Variants in ERLIN2 observed in about 807,000 individuals in gnomAD.
ERLIN2 encodes erlin-2.
In ERLIN2, 22 loss-of-function variants were observed where a neutral mutation model predicts 41.5. The ratio of observed to expected loss-of-function variants is 0.53; its 90% CI spans 0.38 to 0.76. ERLIN2 has a LOEUF of 0.76. ERLIN2 is among the 30% of genes least tolerant of loss of function. ERLIN2 has a pLI of 0.00. For synonymous variants in ERLIN2, 149 were observed against 150.9 expected (o/e 0.99, Z 0.09); for missense variants, 247 against 414.3 (o/e 0.60, Z 3.51).
chr8:37,754,369 C>T lies in ERLIN2; in HGVS notation c.*254C>T, dbSNP rs1190431772. The T allele has an allele frequency of 2.1e-6, 1 of 482,502 alleles. No homozygotes were observed. The highest frequency in any genetic ancestry group is 2.0e-5 in the African/African-American group (1 of 51,036). The allele number at this position is 482,502 out of a possible 1,614,324, so 29.9% of individuals were successfully genotyped here. A position where few individuals can be genotyped will look rare whatever the true frequency, so the allele number is the denominator to read the frequency against. ...GTAAATCATGGGCTTGACCTTTGAC[C>T]TCTAGACACTAATTTTATCCTTTGA... On this transcript the variant is annotated 3_prime_UTR_variant, in exon 12 of 12. Transcript: ENST00000519638.
chr8:37,751,828 CTG>C, intron 10 of ERLIN2, 113 bp downstream of exon 10: 1 of 805,264 alleles, frequency 1.2e-6, no homozygotes. Context: ...GTCATGATCT[CTG>C]TGCAACAGCA....
At chr8:37,737,193 C>G (rs1159515299) in intron 1 of ERLIN2, 1 of 173,624 alleles carries the variant, frequency 5.8e-6, no homozygotes, top group Non-Finnish European at 1.2e-5. Context: ...GCGGTTGGAC[C>G]TAGGAGCCTA....
chr8:37,748,967 G>A (rs780728705), intron 6 of ERLIN2, among the ~76,000 whole-genome samples: 2 of 152,218 alleles, frequency 1.3e-5, no homozygotes, highest in Non-Finnish European at 2.9e-5. Flanking sequence ...TCAAAAGCCT[G>A]GGGCTCGCTT....
rs145324254 is a variant in ERLIN2 at position 37,739,855 on chromosome 8, G to T, written c.108-510G>T. Among the ~76,000 whole-genome samples, 14 of 151,720 alleles carry T rather than the reference G, an allele frequency of 9.2e-5. 1 individual carries two copies. In the East Asian group the frequency reaches 2.7e-3, roughly 29 times the overall value. On this transcript the variant is annotated intron_variant, in intron 2 of 11. Coordinates refer to ENST00000519638, the MANE Select transcript of ERLIN2 (RefSeq NM_007175.8). ...GAGTCTCACTTTGTTGCCCAAGCTG[G>T]AGTGCAGTGGCACAATTATGTCTCA... is the stretch of plus-strand genomic sequence containing the variant.
rs751158412 is a variant in ERLIN2 at position 37,756,476 on chromosome 8, G to A, written c.*2361G>A. On this transcript the variant is annotated 3_prime_UTR_variant, in exon 12 of 12. Transcript: ENST00000519638. ...GGCCTCTCCGGTACTAACATCCTGC[G>A]ATAGCTTGTCCCATGAGCACAGAAG... The A allele has an allele frequency of 2.6e-5, 4 of 152,592 alleles. No homozygotes were observed. The highest frequency in any genetic ancestry group is 4.8e-5 in the African/African-American group (2 of 41,444). The allele number at this position is 152,592 out of a possible 1,614,324, so 9.5% of individuals were successfully genotyped here. A position where few individuals can be genotyped will look rare whatever the true frequency, so the allele number is the denominator to read the frequency against.
chr8:37,740,501 A>G, intron 3 of ERLIN2, 55 bp downstream of exon 3: 10 of 1,287,488 alleles, frequency 7.8e-6, no homozygotes, highest in Non-Finnish European at 1.1e-5. Flanking sequence ...GCTGTTAACT[A>G]GTGCATGATT....
intron 10 of ERLIN2, among the ~76,000 whole-genome samples, chr8:37,752,392 A>G (rs1366673366): frequency 6.6e-6 from 1 of 152,212 alleles, no homozygotes; most frequent in African/African-American, 2.4e-5. Context: ...ATGTCTAATT[A>G]TACTCATTAT....
Position 37,737,899 on chromosome 8 carries a change from T to C in ERLIN2, c.-15-9T>C. 6.2e-7 allele frequency: 1 copy of C among 1,613,972 alleles called. No homozygotes were observed. The highest frequency in any genetic ancestry group is 8.5e-7 in the Non-Finnish European group (1 of 1,179,962). On this transcript the variant is annotated splice_polypyrimidine_tract_variant and intron_variant, in intron 1 of 11. Transcript: ENST00000519638. Reference sequence around the variant, plus strand: ...GGACCACACACATTTTCCCGTGTCTTTTCCCTAGGATAAAGGCTCACTGAT... The same window carrying C: ...GGACCACACACATTTTCCCGTGTCTCTTCCCTAGGATAAAGGCTCACTGAT...
At chr8:37,740,276 G>A (rs533648961) in intron 2 of ERLIN2, 89 bp from the exon 3 acceptor site, 49 of 859,312 alleles carry the variant, frequency 5.7e-5, no homozygotes, top group African/African-American at 5.0e-4. Context: ...TGTTTATAGG[G>A]CTGAAGGGAA....
At chr8:37,748,953 C>T (rs1247061099) in intron 6 of ERLIN2, among the ~76,000 whole-genome samples, 1 of 152,208 alleles carries the variant, frequency 6.6e-6, no homozygotes, top group Non-Finnish European at 1.5e-5. Context: ...AAGCAAACAG[C>T]ACATCAAAAG....
intron 6 of ERLIN2, chr8:37,748,081 G>T (rs112468369): frequency 1.7e-5 from 20 of 1,143,642 alleles, no homozygotes; most frequent in Admixed American, 5.5e-5. Flanking sequence ...CGCGCCTTGC[G>T]CCTTTTCCCT....
At chr8:37,738,557 T>G (rs1341857367) in intron 2 of ERLIN2, among the ~76,000 whole-genome samples, 2 of 152,126 alleles carry the variant, frequency 1.3e-5, no homozygotes. Context: ...GGTCACATAG[T>G]GAGACCCTAT....
At position 37,741,675 on chromosome 8, in the gene ERLIN2, A is replaced by T; in HGVS notation, c.190-97A>T. 2 of 934,462 alleles carry T rather than the reference A, an allele frequency of 2.1e-6. No homozygotes were observed. The highest frequency in any genetic ancestry group is 3.6e-6 in the Non-Finnish European group (2 of 563,016). The allele number at this position is 934,462 out of a possible 1,614,324, so 57.9% of individuals were successfully genotyped here. ...GTTTAATGAAGGCCATGCTCAACCC[A>T]AACAGTTATTCCAGGACAAAGGCAT... On this transcript the variant is annotated intron_variant, in intron 3 of 11. Transcript: ENST00000519638. The surrounding 1 kb of genome is among the most constrained non-coding windows in gnomAD (Gnocchi z 4.8).
At position 37,750,080 on chromosome 8, in the gene ERLIN2, G is replaced by A. The variant is rs567807046; in HGVS notation, c.557+228G>A. The A allele has an allele frequency of 1.4e-5, 9 of 638,396 alleles. No individual in the cohort carries two copies. The East Asian group carries it at 2.2e-4, about 15-fold the overall frequency. 39.5% of individuals were successfully genotyped at this position (638,396 alleles called of 1,614,324 possible). ...AATCCCTGTAGAGCAGCGATGTTTT[G>A]AAAAGGGCCAGGGGGCCTTGTTTGT... On this transcript the variant is annotated intron_variant, in intron 8 of 11. Coordinates refer to ENST00000519638, the MANE Select transcript of ERLIN2 (RefSeq NM_007175.8).
At chr8:37,747,590 G>A (rs978401203) in intron 6 of ERLIN2, 27 of 1,612,074 alleles carry the variant, frequency 1.7e-5, no homozygotes, top group Non-Finnish European at 2.3e-5. Context: ...ACCTTCTTAG[G>A]AGGCTCTTGT....
Position 37,741,879 on chromosome 8 carries a change from G to T in ERLIN2, c.236+61G>T, listed in dbSNP as rs1802863377. ...AAGTCAGAGAAAAGGCTGTCTGGCTGGTTGCAGGAAGAGACAGTGAAAAGG... is the reference window on the plus strand; with the variant it reads ...AAGTCAGAGAAAAGGCTGTCTGGCTTGTTGCAGGAAGAGACAGTGAAAAGG... On this transcript the variant is annotated intron_variant, in intron 4 of 11. Coordinates refer to ENST00000519638, the MANE Select transcript of ERLIN2 (RefSeq NM_007175.8). The surrounding 1 kb of genome is among the most constrained non-coding windows in gnomAD (Gnocchi z 4.8). The T allele has an allele frequency of 7.4e-7, 1 of 1,356,320 alleles. No individual in the cohort carries two copies. The highest frequency in any genetic ancestry group is 1.4e-5 in the African/African-American group (1 of 69,906). The allele number at this position is 1,356,320 out of a possible 1,614,324, so 84.0% of individuals were successfully genotyped here.
chr8:37,755,302 G>C lies in ERLIN2; in HGVS notation c.*1187G>C, dbSNP rs1459002961. On this transcript the variant is annotated 3_prime_UTR_variant, in exon 12 of 12. Transcript: ENST00000519638. ...TGGCTGTGCCAAAATCCATTCAAAG[G>C]GTTTTCTTTTTCATTACTAGGTCAG... 6 of 152,212 alleles carry C rather than the reference G, an allele frequency of 3.9e-5. No homozygotes were observed. Among genetic ancestry groups the C allele is most frequent in the Non-Finnish European group, 8.8e-5 (6 of 68,060 alleles). 9.4% of individuals were successfully genotyped at this position (152,212 alleles called of 1,614,324 possible).
chr8:37,744,822 A>T (rs1199820810), intron 6 of ERLIN2, 126 bp downstream of exon 6: 1 of 1,051,716 alleles, frequency 9.5e-7, no homozygotes, highest in African/African-American at 1.6e-5. Context: ...AATGTTAAAG[A>T]ATCTTGTGCT....
intron 1 of ERLIN2, 186 bp downstream of exon 1, chr8:37,736,864 G>A: frequency 3.0e-6 from 3 of 985,958 alleles, no homozygotes; most frequent in Non-Finnish European, 3.6e-6. Context: ...GGACCGAGCG[G>A]AGGCTATTGG....
Sources: allele counts gnomAD v4.1 joint callset (sites outside exome capture counted in the v4.1 genomes callset), GRCh38; gene constraint gnomAD v4.1.1; non-coding constraint Gnocchi (gnomAD v3.1); transcripts MANE v1.5; gene names NCBI Gene and HGNC (gene_info 2026-07-23, HGNC 2026-07-21).